Variants in CHD9 observed in about 807,000 individuals in gnomAD.
CHD9 encodes chromodomain helicase DNA binding protein 9.
In CHD9, 77 loss-of-function variants were observed where a neutral mutation model predicts 316.1. The observed-to-expected ratio is 0.24, with a 90% CI of 0.20 to 0.29. The LOEUF (loss-of-function observed/expected upper bound fraction) is 0.29, where lower values mean the gene tolerates loss of function less well. Among genes scored for constraint, CHD9 ranks in the 10% least tolerant of loss-of-function variants. CHD9 has a pLI of 1.00. For synonymous variants in CHD9, 1,129 were observed against 1,158.3 expected (o/e 0.97, Z 0.51); for missense variants, 2,763 against 3,438.1 (o/e 0.80, Z 4.91).
At chr16:53,283,561 A>G (rs1467085030) in intron 24 of CHD9, among the ~76,000 whole-genome samples, 1 of 151,938 alleles carries the variant, frequency 6.6e-6, no homozygotes, top group Non-Finnish European at 1.5e-5. Flanking sequence ...TATCTGACCC[A>G]CTTTTTTTCT....
intron 1 of CHD9, among the ~76,000 whole-genome samples, chr16:53,080,814 C>T (rs1567313381): frequency 6.6e-6 from 1 of 152,200 alleles, no homozygotes; most frequent in African/African-American, 2.4e-5. Flanking sequence ...AGGCCTTCCA[C>T]CCTGCCCCAG....
chr16:53,192,787 G>C (rs773770302), intron 2 of CHD9, among the ~76,000 whole-genome samples: 22 of 152,094 alleles, frequency 1.4e-4, no homozygotes, highest in Non-Finnish European at 2.8e-4. Context: ...GAACATTTTT[G>C]TTCCCTGTAT....
At chr16:53,236,519 T>G in intron 11 of CHD9, among the ~76,000 whole-genome samples, 1 of 151,954 alleles carries the variant, frequency 6.6e-6, no homozygotes, top group Admixed American at 6.6e-5. Context: ...ACTATTGCCA[T>G]CCCTTCAGTC....
At chr16:53,250,353 A>T (rs766578713) in intron 17 of CHD9, 11 of 291,326 alleles carry the variant, frequency 3.8e-5, no homozygotes, top group Middle Eastern at 1.2e-3. Flanking sequence ...TTATTTAGAT[A>T]TGAGGTCTCA....
chr16:53,151,500 C>T (rs2041113702), intron 1 of CHD9, among the ~76,000 whole-genome samples: 1 of 152,034 alleles, frequency 6.6e-6, no homozygotes, highest in African/African-American at 2.4e-5. Context: ...AGGTGATCCA[C>T]CTGCCTTAGA....
At chr16:53,127,119 G>A (rs1168754851) in intron 1 of CHD9, among the ~76,000 whole-genome samples, 5 of 151,910 alleles carry the variant, frequency 3.3e-5, no homozygotes, top group Non-Finnish European at 5.9e-5. Flanking sequence ...CATGCCCAGC[G>A]AATTTTTCTC....
intron 2 of CHD9, among the ~76,000 whole-genome samples, chr16:53,165,291 G>A (rs1288131179): frequency 1.3e-5 from 2 of 152,118 alleles, no homozygotes; most frequent in African/African-American, 2.4e-5. Context: ...CATTCATATT[G>A]CCTATTTAGC....
At chr16:53,191,054 T>C (rs1277177883) in intron 2 of CHD9, among the ~76,000 whole-genome samples, 21 of 152,106 alleles carry the variant, frequency 1.4e-4, no homozygotes, top group Admixed American at 1.4e-3. Flanking sequence ...AGATATAAAA[T>C]GTTTTTATAA....
chr16:53,183,606 A>G (rs917465189), intron 2 of CHD9, among the ~76,000 whole-genome samples: 2 of 152,174 alleles, frequency 1.3e-5, no homozygotes, highest in Admixed American at 1.3e-4. Flanking sequence ...GAGTTAGGCA[A>G]CCTTGGGTTT....
chr16:53,128,862 G>A (rs1394782784), intron 1 of CHD9, among the ~76,000 whole-genome samples: 1 of 152,144 alleles, frequency 6.6e-6, no homozygotes, highest in Non-Finnish European at 1.5e-5. Flanking sequence ...TACAAAACCT[G>A]AGAGTCTAAG....
rs754018096 is a variant in CHD9 at position 53,324,066 on chromosome 16, T to C, written c.7865T>C (p.Val2622Ala). The change falls in exon 39 of 39, where the codon GTT becomes GCT. Residue 2622 changes from valine to alanine, a missense_variant. This residue lies in a region of CHD9 where 298 missense variants were observed against 380.2 expected (regional missense o/e 0.78). Transcript: ENST00000447540. ...TATGAACGTATTCTCACTGGTCCCG[T>C]TGTGAGAGAGGAAGTAAGCAGGCGG... is the stretch of plus-strand genomic sequence containing the variant. ...SMYERILTGP[V>A]VREEVSRRGR... The C allele has an allele frequency of 1.1e-5, 17 of 1,613,728 alleles. No homozygotes were observed. The highest frequency in any genetic ancestry group is 1.4e-5 in the Non-Finnish European group (16 of 1,179,700).
In CHD9 at chr16:53,156,358, C is replaced by G; in HGVS notation, c.269C>G (p.Ala90Gly). Reference protein sequence around the residue: ...HHVNQSFGSPAEHVLSPHSQF... With the variant: ...HHVNQSFGSPGEHVLSPHSQF... ...GTTAATCAATCTTTTGGTAGCCCAG[C>G]TGAACATGTGTTATCTCCACACTCT... Residue 90 changes from alanine (A) to glycine (G), a missense_variant, in exon 2 of 39, where the codon GCT becomes GGT. Physicochemically the swap from Ala to Gly is moderately conservative, Grantham distance 60. Coordinates refer to ENST00000447540, the MANE Select transcript of CHD9 (RefSeq NM_001308319.2). 1 of 1,613,998 alleles carries G rather than the reference C, an allele frequency of 6.2e-7. No individual in the cohort carries two copies. Among genetic ancestry groups the G allele is most frequent in the Admixed American group, 1.7e-5 (1 of 60,020 alleles).
intron 2 of CHD9, among the ~76,000 whole-genome samples, chr16:53,182,452 T>C (rs2043607353): frequency 6.6e-6 from 1 of 152,236 alleles, no homozygotes; most frequent in Admixed American, 6.5e-5. Flanking sequence ...CTTCATTGGT[T>C]AGTCCAATTT....
Position 53,274,292 on chromosome 16 carries a change from G to A in CHD9, c.4957G>A (p.Val1653Ile). The change falls in exon 24 of 39, where the codon GTT becomes ATT. Residue 1653 changes from valine to isoleucine, a missense_variant. Transcript: ENST00000447540. ...TGAGTGTCAGAAAGTATTTGATGGAGTTGATGCAAGGTAAGTTAAACAATT... is the reference window on the plus strand; with the variant it reads ...TGAGTGTCAGAAAGTATTTGATGGAATTGATGCAAGGTAAGTTAAACAATT... ...GNECQKVFDG[V>I]DASDIDVWVP... is the part of the protein sequence containing the mutation. The A allele has an allele frequency of 6.3e-7, 1 of 1,576,844 alleles. No individual in the cohort carries two copies. The highest frequency in any genetic ancestry group is 8.6e-7 in the Non-Finnish European group (1 of 1,159,930).
intron 2 of CHD9, among the ~76,000 whole-genome samples, chr16:53,173,554 T>A (rs985553088): frequency 6.6e-5 from 10 of 152,146 alleles, no homozygotes; most frequent in African/African-American, 2.2e-4. Flanking sequence ...AATTTTATTT[T>A]TTTTTTTTAA....
intron 2 of CHD9, among the ~76,000 whole-genome samples, chr16:53,206,293 C>T (rs2045890205): frequency 6.6e-6 from 1 of 151,150 alleles, no homozygotes; most frequent in Non-Finnish European, 1.5e-5. Context: ...AGTGCTGGCT[C>T]TTCCTGCTCC....
At chr16:53,132,793 CTTTTTTTTTTTTT>C (rs748626858) in intron 1 of CHD9, among the ~76,000 whole-genome samples, 3 of 68,478 alleles carry the variant, frequency 4.4e-5, no homozygotes, top group Non-Finnish European at 8.9e-5. Flanking sequence ...TCTAATTCTG[CTTTTTTTTTTTTT>C]TTTTTTTTTT....
At chr16:53,217,722 C>G (rs2046876354) in intron 3 of CHD9, among the ~76,000 whole-genome samples, 1 of 151,602 alleles carries the variant, frequency 6.6e-6, no homozygotes, top group African/African-American at 2.4e-5. Context: ...TGTAAATAAC[C>G]CTATTTCTAA....
chr16:53,136,908 A>C (rs2039755970), intron 1 of CHD9, among the ~76,000 whole-genome samples: 2 of 152,134 alleles, frequency 1.3e-5, no homozygotes, highest in Admixed American at 1.3e-4. Flanking sequence ...CTATTTTTGA[A>C]CTTTATTAAA....
Sources: allele counts gnomAD v4.1 joint callset (sites outside exome capture counted in the v4.1 genomes callset), GRCh38; gene constraint gnomAD v4.1.1; regional missense constraint gnomAD v4.1.1; transcripts MANE v1.5; gene names NCBI Gene and HGNC (gene_info 2026-07-23, HGNC 2026-07-21).